Variants in SENP5 observed in about 807,000 individuals in gnomAD.
The protein encoded by SENP5 is SUMO specific peptidase 5, also known as sentrin-specific protease 5.
A neutral mutation model predicts 74.2 loss-of-function variants in SENP5; 21 were observed. The ratio of observed to expected loss-of-function variants is 0.28; its 90% CI spans 0.20 to 0.41. The LOEUF is 0.41. Among genes scored for constraint, SENP5 ranks in the 10% least tolerant of loss-of-function variants. The pLI is 1.00. For synonymous variants in SENP5, 311 were observed against 312.7 expected (o/e 0.99, Z 0.06); for missense variants, 717 against 889.1 (o/e 0.81, Z 2.46).
At chr3:196,889,656 C>T (rs1714121137) in intron 2 of SENP5, among the ~76,000 whole-genome samples, 1 of 152,208 alleles carries the variant, frequency 6.6e-6, no homozygotes, top group Admixed American at 6.5e-5. Flanking sequence ...CTCTCTTCTT[C>T]CTCCTACCAA....
At chr3:196,901,134 C>T (rs951536716) in intron 5 of SENP5, among the ~76,000 whole-genome samples, 2 of 151,154 alleles carry the variant, frequency 1.3e-5, no homozygotes, top group Non-Finnish European at 2.9e-5. Context: ...CAACCTCCAC[C>T]TCCTGGGTTC....
intron 5 of SENP5, 26 bp downstream of exon 5, chr3:196,900,438 G>A (rs202176717): frequency 3.5e-5 from 55 of 1,584,916 alleles, no homozygotes; most frequent in Non-Finnish European, 4.5e-5. Flanking sequence ...CTCTTCTGCA[G>A]GAGAGAGTGT....
Position 196,931,059 on chromosome 3 carries a change from T to A in SENP5, c.*136T>A. 1 of 628,398 alleles carries A rather than the reference T, an allele frequency of 1.6e-6. No homozygotes were observed. The highest frequency in any genetic ancestry group is 2.9e-6 in the Non-Finnish European group (1 of 347,078). 38.9% of individuals were successfully genotyped at this position (628,398 alleles called of 1,614,324 possible). A position where few individuals can be genotyped will look rare whatever the true frequency, so the allele number is the denominator to read the frequency against. ...GGCCACTATTGTTACCTCAAATTTA[T>A]TTTTTGCCCTTATTCATTTCTCCAG... is the stretch of plus-strand genomic sequence containing the variant. On this transcript the variant is annotated 3_prime_UTR_variant, in exon 10 of 10. Transcript: ENST00000323460.
intron 1 of SENP5, among the ~76,000 whole-genome samples, chr3:196,880,449 C>T (rs1199978552): frequency 1.3e-5 from 2 of 152,204 alleles, no homozygotes; most frequent in African/African-American, 4.8e-5. Flanking sequence ...ATACTGCTAA[C>T]TGATCTGCAC....
intron 6 of SENP5, chr3:196,912,892 T>C (rs1715194713): frequency 6.6e-6 from 1 of 151,876 alleles, no homozygotes; most frequent in Admixed American, 6.6e-5. Flanking sequence ...TGTTTGAAAA[T>C]TGTAGAAATT....
At chr3:196,892,345 C>T (rs1272389767) in intron 2 of SENP5, among the ~76,000 whole-genome samples, 3 of 152,000 alleles carry the variant, frequency 2.0e-5, no homozygotes, top group African/African-American at 4.8e-5. Context: ...TGGGGTTTCA[C>T]CATGTTGGCC....
intron 7 of SENP5, among the ~76,000 whole-genome samples, chr3:196,924,694 T>G (rs575983177): frequency 6.6e-6 from 1 of 152,306 alleles, no homozygotes; most frequent in Admixed American, 6.5e-5. Flanking sequence ...CTTTGTAAAT[T>G]AAAAAGATAC....
rs572470226 is a variant in SENP5 at position 196,933,023 on chromosome 3, T to C, written c.*2100T>C. ...AAATGTTGAGTTTGGGTTTTTTGTT[T>C]TTTTTTTTTTTTGAGTCAGAGTCTC... On this transcript the variant is annotated 3_prime_UTR_variant, in exon 10 of 10. Coordinates refer to ENST00000323460, the MANE Select transcript of SENP5 (RefSeq NM_152699.5). 7.2e-6 allele frequency: 1 copy of C among 138,304 alleles called. No individual in the cohort carries two copies. The highest frequency in any genetic ancestry group is 1.6e-5 in the Non-Finnish European group (1 of 64,154). 8.6% of individuals were successfully genotyped at this position (138,304 alleles called of 1,614,324 possible).
intron 2 of SENP5, among the ~76,000 whole-genome samples, chr3:196,892,069 C>T (rs571976347): frequency 5.7e-4 from 86 of 151,764 alleles, no homozygotes; most frequent in Non-Finnish European, 1.1e-3. Flanking sequence ...GGATTACAGG[C>T]GTGAGTCACC....
intron 1 of SENP5, among the ~76,000 whole-genome samples, chr3:196,880,892 C>T (rs1314281772): frequency 2.6e-5 from 4 of 151,948 alleles, no homozygotes; most frequent in Admixed American, 6.6e-5. Flanking sequence ...CTGCCCACCT[C>T]GGCCTCCCAA....
chr3:196,904,016 T>C (rs1406863054), intron 6 of SENP5, among the ~76,000 whole-genome samples: 9 of 152,278 alleles, frequency 5.9e-5, no homozygotes, highest in Non-Finnish European at 1.3e-4. Context: ...CCAGATCCTG[T>C]CTCTTAAAAT....
chr3:196,924,093 A>AT (rs1302632594), intron 7 of SENP5, among the ~76,000 whole-genome samples: 3 of 152,244 alleles, frequency 2.0e-5, no homozygotes, highest in African/African-American at 4.8e-5. Context: ...AAATGTGGAA[A>AT]TTCTTTATTA....
chr3:196,897,367 A>C (rs193084317), intron 2 of SENP5, among the ~76,000 whole-genome samples: 4 of 152,156 alleles, frequency 2.6e-5, no homozygotes, highest in Non-Finnish European at 5.9e-5. Context: ...AGAAGCCCCA[A>C]ATCTTTATCT....
Position 196,879,241 on chromosome 3 carries a change from G to A in SENP5, c.-31-5910G>A, listed in dbSNP as rs565721530. Reference sequence around the variant, plus strand: ...GAGGTGGTATGGAGTATCTGGTTGAGAAGCACTGGGTTAGATCAGTGTTTA... The same window carrying A: ...GAGGTGGTATGGAGTATCTGGTTGAAAAGCACTGGGTTAGATCAGTGTTTA... On this transcript the variant is annotated intron_variant, in intron 1 of 9. Transcript: ENST00000323460. 1.2e-3 allele frequency among the ~76,000 whole-genome samples: 183 copies of A among 152,342 alleles called. No homozygotes were observed. The South Asian group carries it at 0.015, about 13-fold the overall frequency.
At chr3:196,909,984 T>G (rs1715054686) in intron 6 of SENP5, among the ~76,000 whole-genome samples, 2 of 152,178 alleles carry the variant, frequency 1.3e-5, no homozygotes, top group Non-Finnish European at 2.9e-5. Context: ...ATGGCATGAT[T>G]CTATATTTAG....
chr3:196,887,838 G>A (rs375859262), intron 2 of SENP5, among the ~76,000 whole-genome samples: 3 of 151,806 alleles, frequency 2.0e-5, no homozygotes, highest in Non-Finnish European at 4.4e-5. Flanking sequence ...ACGCAATCTC[G>A]GCTCACTGCA....
chr3:196,870,201 C>A lies in SENP5; in HGVS notation c.-32+2128C>A, dbSNP rs76396879. 1.3e-3 allele frequency among the ~76,000 whole-genome samples: 191 copies of A among 152,268 alleles called. 7 individuals are homozygous for A. The East Asian group carries it at 0.031, about 24-fold the overall frequency. On this transcript the variant is annotated intron_variant, in intron 1 of 9. Coordinates refer to ENST00000323460, the MANE Select transcript of SENP5 (RefSeq NM_152699.5). ...TCACTGATTTAAAGAATTTGGTAGA[C>A]GCTCAGAAAGGGTCAACTGGTAAGG...
rs1212270006 is a variant in SENP5, at chr3:196,933,099, T to TC, written c.*2178dup. 7.1e-6 allele frequency: 1 copy of TC among 140,862 alleles called. No individual in the cohort carries two copies. The highest frequency in any genetic ancestry group is 1.5e-5 in the Non-Finnish European group (1 of 66,466). The allele number at this position is 140,862 out of a possible 1,614,324, so 8.7% of individuals were successfully genotyped here. On this transcript the variant is annotated 3_prime_UTR_variant, in exon 10 of 10. Transcript: ENST00000323460. ...GGCGCAATCTTGCCTCACTGCAACCTCCACCTCCCAGGTTCAAGCGATTCT... is the reference window on the plus strand; with the variant it reads ...GGCGCAATCTTGCCTCACTGCAACCTCCCACCTCCCAGGTTCAAGCGATTCT...
intron 8 of SENP5, 109 bp downstream of exon 8, chr3:196,927,988 G>T: frequency 1.6e-6 from 1 of 639,204 alleles, no homozygotes. Flanking sequence ...ACCAAGGAGA[G>T]CCTGGAGGCT....
Sources: gnomAD v4.1 joint callset for allele counts (sites outside exome capture counted in the v4.1 genomes callset) on GRCh38, gnomAD v4.1.1 for gene constraint, MANE v1.5 for transcripts, NCBI Gene and HGNC (gene_info 2026-07-23, HGNC 2026-07-21) for gene names.